Variants in PABPN1L observed in about 807,000 individuals in gnomAD.
The protein encoded by PABPN1L is PABPN1 like, cytoplasmic.
In PABPN1L, 45 loss-of-function variants were observed where a neutral mutation model predicts 34.0. That is an observed-to-expected ratio of 1.32 (90% confidence interval 1.04 to 1.70). The LOEUF is 1.70. PABPN1L is among the 40% of genes most tolerant of loss of function. PABPN1L has a pLI of 0.00. For synonymous variants in PABPN1L, 182 were observed against 152.1 expected (o/e 1.20, Z -1.45); for missense variants, 459 against 367.8 (o/e 1.25, Z -2.03).
Position 88,864,186 on chromosome 16 carries a change from C to A in PABPN1L, c.797+51G>T. 3.9e-6 allele frequency: 6 copies of A among 1,519,522 alleles called. No individual in the cohort carries two copies. In the South Asian group the frequency reaches 6.1e-5, roughly 16 times the overall value. The allele number at this position is 1,519,522 out of a possible 1,614,324, so 94.1% of individuals were successfully genotyped here. A position where few individuals can be genotyped will look rare whatever the true frequency, so the allele number is the denominator to read the frequency against. On this transcript the variant is annotated intron_variant, in intron 6 of 6. Transcript: ENST00000419291. ...CAGGGACCCCCTCCTGCCCCTGATG[C>A]CCTCCACCATGGCCCTCGCCCCCAG...
upstream of PABPN1L, among the ~76,000 whole-genome samples, chr16:88,868,056 T>C (rs981979998): frequency 2.8e-4 from 43 of 152,100 alleles, no homozygotes; most frequent in African/African-American, 9.4e-4. Flanking sequence ...TGCTGCACCA[T>C]GCACCACCCA....
chr16:88,863,893 C>T, intron 6 of PABPN1L, 98 bp from the exon 7 acceptor site: 1 of 1,235,910 alleles, frequency 8.1e-7, no homozygotes, highest in East Asian at 2.5e-5. Flanking sequence ...GCAGGGAGGT[C>T]ACCTGGCTGC....
exon 2 of PABPN1L, chr16:88,865,886 G>A (rs377143338): frequency 6.2e-6 from 10 of 1,609,760 alleles, no homozygotes; most frequent in Non-Finnish European, 7.6e-6. Flanking sequence ...TGGAGGCCGT[G>A]GCGTCCCCTC....
intron 5 of PABPN1L, 85 bp from the exon 6 acceptor site, chr16:88,864,464 C>T (rs1968534847): frequency 2.1e-6 from 3 of 1,463,096 alleles, no homozygotes; most frequent in Non-Finnish European, 2.7e-6. Context: ...CACCCCGGAG[C>T]ATGGGGTCCT....
chr16:88,864,970 G>A, intron 4 of PABPN1L, 30 bp from the exon 5 acceptor site: 2 of 1,604,338 alleles, frequency 1.2e-6, no homozygotes, highest in South Asian at 1.1e-5. Flanking sequence ...GGGGAGGGGT[G>A]AGGCTGGGCC....
At chr16:88,865,541 C>T (rs765655282) in intron 3 of PABPN1L, 22 bp downstream of exon 3, 3 of 1,607,298 alleles carry the variant, frequency 1.9e-6, no homozygotes, top group South Asian at 1.1e-5. Flanking sequence ...CTGCCTGCCC[C>T]TTCACCCCGC....
Position 88,864,851 on chromosome 16 carries a change from A to G in PABPN1L, c.654+2T>C, listed in dbSNP as rs574749470. On this transcript the variant is annotated splice_donor_variant, in intron 5 of 6. Coordinates refer to ENST00000419291, the Ensembl canonical transcript of PABPN1L. LOFTEE classifies it high-confidence loss of function. Reference sequence around the variant, plus strand: ...TCCTGGACCTGGGGAGCACCGGCGCACCTTGATGACCCGGCCCCGGAAGAG... The same window carrying G: ...TCCTGGACCTGGGGAGCACCGGCGCGCCTTGATGACCCGGCCCCGGAAGAG... 6.2e-7 allele frequency: 1 copy of G among 1,605,348 alleles called. No individual in the cohort carries two copies. Among genetic ancestry groups the G allele is most frequent in the South Asian group, 1.1e-5 (1 of 89,538 alleles).
upstream of PABPN1L, among the ~76,000 whole-genome samples, chr16:88,866,910 G>A (rs979762621): frequency 1.3e-5 from 2 of 152,246 alleles, no homozygotes; most frequent in African/African-American, 4.8e-5. Flanking sequence ...TGGAGCCTTG[G>A]TCTGTGACAG....
chr16:88,865,258 C>CACCCCCGCTGGGGTTGGAGGGAAG (rs1968562713), intron 3 of PABPN1L, 130 bp from the exon 4 acceptor site: 3 of 948,842 alleles, frequency 3.2e-6, no homozygotes, highest in Non-Finnish European at 4.7e-6. Flanking sequence ...CTCCACCCCA[C>CACCCCCGCTGGGGTTGGAGGGAAG]ACCCCCGCTG....
At chr16:88,867,228 T>C (rs1968622656), upstream of PABPN1L, among the ~76,000 whole-genome samples, 1 of 151,730 alleles carries the variant, frequency 6.6e-6, no homozygotes, top group Non-Finnish European at 1.5e-5. Context: ...GCCTTTTTTT[T>C]TTTTTTCTTT....
At chr16:88,864,117 A>G in intron 6 of PABPN1L, 120 bp downstream of exon 6, 11 of 1,324,766 alleles carry the variant, frequency 8.3e-6, no homozygotes, top group Non-Finnish European at 1.1e-5. Flanking sequence ...GCCCTCACCC[A>G]GGCCCCGCCA....
At chr16:88,868,694 G>T (rs1198165564), upstream of PABPN1L, among the ~76,000 whole-genome samples, 1 of 152,104 alleles carries the variant, frequency 6.6e-6, no homozygotes, top group Non-Finnish European at 1.5e-5. Flanking sequence ...AGGAAGGAAA[G>T]AAAAGGGAGG....
rs758562201 is a variant in PABPN1L, at chr16:88,863,845, T to G, written c.798-50A>C. 322 of 1,513,988 alleles carry G rather than the reference T, an allele frequency of 2.1e-4. 1 individual carries two copies. The highest frequency in any genetic ancestry group is 2.8e-4 in the Non-Finnish European group (313 of 1,128,518). The allele number at this position is 1,513,988 out of a possible 1,614,324, so 93.8% of individuals were successfully genotyped here. A position where few individuals can be genotyped will look rare whatever the true frequency, so the allele number is the denominator to read the frequency against. ...GAGTGGCCTTCCAGAGGAGAAGGGG[T>G]GGTGGCCCAGGGCCCCGGGGGACAA... On this transcript the variant is annotated intron_variant, in intron 6 of 6. Coordinates refer to ENST00000419291, the Ensembl canonical transcript of PABPN1L.
upstream of PABPN1L, among the ~76,000 whole-genome samples, chr16:88,868,038 A>G (rs77710443): frequency 0.014 from 2,071 of 152,246 alleles, 21 homozygotes; most frequent in East Asian, 0.021. Flanking sequence ...CCTAGGCTGG[A>G]GCTGCACTGC....
intron 1 of PABPN1L, 99 bp downstream of exon 1, chr16:88,866,248 CCTCCT>C: frequency 8.9e-6 from 13 of 1,454,332 alleles, no homozygotes; most frequent in Non-Finnish European, 9.1e-7. Flanking sequence ...GGCCCTCTCC[CCTCCT>C]AAGTCAGCTG....
intron 5 of PABPN1L, 97 bp from the exon 6 acceptor site, chr16:88,864,476 C>G: frequency 6.9e-7 from 1 of 1,439,778 alleles, no homozygotes; most frequent in African/African-American, 1.4e-5. Flanking sequence ...TGGGGTCCTG[C>G]CCGGCTCAGG....
upstream of PABPN1L, among the ~76,000 whole-genome samples, chr16:88,868,595 G>C (rs1968644216): frequency 6.6e-6 from 1 of 152,070 alleles, no homozygotes; most frequent in African/African-American, 2.4e-5. Flanking sequence ...GACGGAGTGA[G>C]ACTGTCTCAA....
upstream of PABPN1L, among the ~76,000 whole-genome samples, chr16:88,869,309 C>T (rs776001735): frequency 7.2e-5 from 11 of 152,238 alleles, no homozygotes; most frequent in African/African-American, 1.9e-4. Flanking sequence ...TGGCCCTGGA[C>T]GCCCCTTCCC....
upstream of PABPN1L, among the ~76,000 whole-genome samples, chr16:88,867,510 C>T (rs988849413): frequency 2.6e-5 from 4 of 152,204 alleles, no homozygotes; most frequent in African/African-American, 7.2e-5. Context: ...GGATTACAGG[C>T]GTGAGCACCG....
Sources: gnomAD v4.1 joint callset for allele counts (sites outside exome capture counted in the v4.1 genomes callset) on GRCh38, gnomAD v4.1.1 for gene constraint, MANE v1.5 for transcripts, NCBI Gene and HGNC (gene_info 2026-07-23, HGNC 2026-07-21) for gene names.